The following TMEM135 variants were observed in gnomAD, a reference collection of about 807,000 sequenced individuals.
TMEM135 encodes peroxisomal membrane protein 52.
In TMEM135, 30 loss-of-function variants were observed where a neutral mutation model predicts 60.3. The ratio of observed to expected loss-of-function variants is 0.50; its 90% confidence interval spans 0.37 to 0.68. The LOEUF (loss-of-function observed/expected upper bound fraction) is 0.68. TMEM135 is among the 30% of genes least tolerant of loss of function. The pLI, the probability that TMEM135 is intolerant of heterozygous loss-of-function variation, is 0.00. For synonymous variants in TMEM135, 190 were observed against 186.7 expected (o/e 1.02, Z -0.14); for missense variants, 468 against 548.8 (o/e 0.85, Z 1.47).
In TMEM135 at chr11:87,157,335, T is replaced by G; in HGVS notation, c.397-6T>G. On this transcript the variant is annotated splice_polypyrimidine_tract_variant and splice_region_variant and intron_variant, in intron 4 of 14. Transcript: ENST00000305494. ...ATTTTTGCTGTTTTTTTTTTTTAAT[T>G]TACAGGCCACAGAAACACTATTCAG... 2 of 1,612,570 alleles carry G rather than the reference T, an allele frequency of 1.2e-6. No homozygotes were observed. The highest frequency in any genetic ancestry group is 1.7e-6 in the Non-Finnish European group (2 of 1,179,172).
At chr11:87,085,875 T>C (rs1488992797) in intron 3 of TMEM135, among the ~76,000 whole-genome samples, 1 of 152,212 alleles carries the variant, frequency 6.6e-6, no homozygotes, top group African/African-American at 2.4e-5. Context: ...TTCCAGCTTG[T>C]CTTTTTGTTA....
chr11:87,046,996 T>C (rs1949802085), intron 1 of TMEM135, among the ~76,000 whole-genome samples: 1 of 152,194 alleles, frequency 6.6e-6, no homozygotes, highest in Non-Finnish European at 1.5e-5. Context: ...ACCTATCTAT[T>C]ATCCTTTAAA....
rs1565149076 is a variant in TMEM135 at position 87,268,168 on chromosome 11, C to CTTTT, written c.510-27614_510-27613insTTTT. ...TCCTTTCCTTTATTTCCTTTCCTTTCCTTTCTTTTCTTTTCTTTCTTCTTT... is the reference window on the plus strand; with the variant it reads ...TCCTTTCCTTTATTTCCTTTCCTTTCTTTTCTTTCTTTTCTTTTCTTTCTTCTTT... On this transcript the variant is annotated intron_variant, in intron 6 of 14. Transcript: ENST00000305494. Among the ~76,000 whole-genome samples the CTTTT allele has an allele frequency of 8.1e-3, 1,187 of 146,904 alleles. 68 individuals are homozygous for CTTTT. Among genetic ancestry groups the CTTTT allele is most frequent in the African/African-American group, 0.027 (1,096 of 40,296 alleles).
chr11:87,140,828 G>T (rs538021616), intron 4 of TMEM135, among the ~76,000 whole-genome samples: 132 of 152,246 alleles, frequency 8.7e-4, no homozygotes, highest in Middle Eastern at 6.8e-3. Flanking sequence ...ACGGGTTGAG[G>T]TTCATATATT....
At chr11:87,097,538 A>G (rs1209580717) in intron 4 of TMEM135, among the ~76,000 whole-genome samples, 4 of 152,278 alleles carry the variant, frequency 2.6e-5, no homozygotes, top group South Asian at 2.1e-4. Context: ...ACTTTTGCCA[A>G]TGTTACCAAA....
intron 4 of TMEM135, among the ~76,000 whole-genome samples, chr11:87,133,317 A>G (rs76453481): frequency 0.034 from 5,132 of 152,252 alleles, 259 homozygotes; most frequent in African/African-American, 0.11. Context: ...TTATACACCC[A>G]CGTAACCATC....
chr11:87,203,547 C>T (rs371019401), intron 5 of TMEM135, among the ~76,000 whole-genome samples: 13 of 152,234 alleles, frequency 8.5e-5, no homozygotes, highest in African/African-American at 1.4e-4. Flanking sequence ...TTTTATGGCT[C>T]AATTTCTTTT....
intron 4 of TMEM135, among the ~76,000 whole-genome samples, chr11:87,100,969 A>ATTTT (rs1857444902): frequency 2.0e-5 from 3 of 152,356 alleles, no homozygotes; most frequent in Admixed American, 1.3e-4. Flanking sequence ...AGCACTTAAA[A>ATTTT]ACATACAAAT....
intron 6 of TMEM135, among the ~76,000 whole-genome samples, chr11:87,256,804 A>T (rs1941536244): frequency 6.6e-6 from 1 of 152,088 alleles, no homozygotes; most frequent in Non-Finnish European, 1.5e-5. Context: ...TCTGTTGGCT[A>T]TGCCTCTATC....
chr11:87,126,195 A>G (rs1374703271), intron 4 of TMEM135, among the ~76,000 whole-genome samples: 2 of 152,174 alleles, frequency 1.3e-5, no homozygotes, highest in East Asian at 3.9e-4. Flanking sequence ...TTTAATTCAC[A>G]AAATCAACAT....
intron 6 of TMEM135, among the ~76,000 whole-genome samples, chr11:87,267,311 A>G (rs1007523340): frequency 2.4e-4 from 37 of 152,078 alleles, no homozygotes; most frequent in Admixed American, 1.3e-4. Context: ...ATAGGAAAAG[A>G]TAGATTTTGA....
At chr11:87,235,126 A>T (rs1293642561) in intron 5 of TMEM135, among the ~76,000 whole-genome samples, 1 of 152,000 alleles carries the variant, frequency 6.6e-6, no homozygotes, top group Non-Finnish European at 1.5e-5. Context: ...ACCAGTAAAT[A>T]AACCCACTTA....
chr11:87,174,492 G>A (rs1939319793), intron 5 of TMEM135, among the ~76,000 whole-genome samples: 1 of 152,092 alleles, frequency 6.6e-6, no homozygotes. Context: ...TAGCCTAGAA[G>A]AGTTAGAATG....
intron 6 of TMEM135, among the ~76,000 whole-genome samples, chr11:87,280,033 C>G (rs1942031845): frequency 6.6e-6 from 1 of 152,104 alleles, no homozygotes; most frequent in Non-Finnish European, 1.5e-5. Context: ...GGCATCTTTA[C>G]TTAGTTGTAA....
intron 1 of TMEM135, 79 bp downstream of exon 1, chr11:87,038,265 G>A (rs1267696930): frequency 2.5e-6 from 4 of 1,588,348 alleles, no homozygotes; most frequent in African/African-American, 2.7e-5. Context: ...CTCCCGAGGG[G>A]CTCTGGGGGA....
chr11:87,322,857 A>G lies in TMEM135; in HGVS notation c.*1524A>G. 2.2e-6 allele frequency: 1 copy of G among 454,460 alleles called. No individual in the cohort carries two copies. Among genetic ancestry groups the G allele is most frequent in the South Asian group, 1.6e-5 (1 of 64,476 alleles). 28.2% of individuals were successfully genotyped at this position (454,460 alleles called of 1,614,324 possible). On this transcript the variant is annotated 3_prime_UTR_variant, in exon 15 of 15. Coordinates refer to ENST00000305494, the MANE Select transcript of TMEM135 (RefSeq NM_022918.4). The stretch of plus-strand genomic sequence containing the variant: ...TTGGTCAAAATTTGGCATTATGATT[A>G]GCTTTGTAGAACTGACCTGTTTATT...
At chr11:87,284,954 A>G (rs1401931285) in intron 6 of TMEM135, among the ~76,000 whole-genome samples, 2 of 152,238 alleles carry the variant, frequency 1.3e-5, no homozygotes, top group Admixed American at 6.5e-5. Flanking sequence ...TTTTGTATGT[A>G]TATAAGCCAT....
chr11:87,319,387 T>G lies in TMEM135; in HGVS notation c.1244+10T>G, dbSNP rs769372147. ...GACTCACCAAGGGCAAGTAAGTGACTACGTAGTTTTCTTAAAAATATTATG... is the reference window on the plus strand; with the variant it reads ...GACTCACCAAGGGCAAGTAAGTGACGACGTAGTTTTCTTAAAAATATTATG... On this transcript the variant is annotated intron_variant, in intron 14 of 14. Transcript: ENST00000305494. The G allele has an allele frequency of 2.5e-6, 4 of 1,600,764 alleles. No homozygotes were observed. In the South Asian group the frequency reaches 4.4e-5, roughly 18 times the overall value.
intron 5 of TMEM135, among the ~76,000 whole-genome samples, chr11:87,158,783 A>C (rs1425245807): frequency 6.6e-6 from 1 of 152,162 alleles, no homozygotes; most frequent in Non-Finnish European, 1.5e-5. Flanking sequence ...TATAATTTAT[A>C]AAGTATATTT....
Sources: gnomAD v4.1 joint callset for allele counts (sites outside exome capture counted in the v4.1 genomes callset) on GRCh38, gnomAD v4.1.1 for gene constraint, MANE v1.5 for transcripts, NCBI Gene and HGNC (gene_info 2026-07-23, HGNC 2026-07-21) for gene names.